The following ZBTB20 variants were observed in gnomAD, a reference collection of about 807,000 sequenced individuals.
The protein encoded by ZBTB20 is zinc finger and BTB domain-containing protein 20.
Under a neutral mutation model 56.9 loss-of-function variants are expected in ZBTB20, and 9 were observed. The observed-to-expected ratio is 0.16, with a 90% CI of 0.10 to 0.28. The LOEUF is 0.28. Ranked by LOEUF, ZBTB20 falls within the 10% of genes least tolerant of loss-of-function variation. ZBTB20 has a pLI of 1.00. For synonymous variants in ZBTB20, 417 were observed against 420.7 expected (o/e 0.99, Z 0.11); for missense variants, 655 against 1,003.0 (o/e 0.65, Z 4.69).
chr3:114,378,108 A>G (rs2083874773), intron 10 of ZBTB20, among the ~76,000 whole-genome samples: 1 of 152,186 alleles, frequency 6.6e-6, no homozygotes, highest in South Asian at 2.1e-4. Flanking sequence ...AAAAAAAAAA[A>G]AATCCTCTTG....
At chr3:114,756,092 T>A (rs2067991036) in intron 5 of ZBTB20, among the ~76,000 whole-genome samples, 1 of 152,192 alleles carries the variant, frequency 6.6e-6, no homozygotes, top group African/African-American at 2.4e-5. Flanking sequence ...AATCATGTAT[T>A]TATGTTTATT....
chr3:114,610,914 T>C (rs966021276), intron 6 of ZBTB20, among the ~76,000 whole-genome samples: 1 of 152,178 alleles, frequency 6.6e-6, no homozygotes, highest in Non-Finnish European at 1.5e-5. Flanking sequence ...AACCAAGAAG[T>C]TGAATATATA....
At chr3:114,349,930 G>A (rs2080509142) in intron 11 of ZBTB20, among the ~76,000 whole-genome samples, 2 of 152,164 alleles carry the variant, frequency 1.3e-5, no homozygotes, top group South Asian at 4.1e-4. Flanking sequence ...CATCTGGCTG[G>A]GTGTAAGAGC....
chr3:114,954,244 T>C (rs1213128395), intron 3 of ZBTB20, among the ~76,000 whole-genome samples: 1 of 152,166 alleles, frequency 6.6e-6, no homozygotes, highest in Non-Finnish European at 1.5e-5. Flanking sequence ...GAATCTTATA[T>C]AAAAGGTACG....
At chr3:114,499,695 A>C (rs2043714174) in intron 7 of ZBTB20, among the ~76,000 whole-genome samples, 2 of 152,220 alleles carry the variant, frequency 1.3e-5, no homozygotes, top group Admixed American at 1.3e-4. Context: ...TGAATTTTAA[A>C]TAATGAACGT....
At chr3:114,368,499 T>C (rs1459784019) in intron 10 of ZBTB20, among the ~76,000 whole-genome samples, 1 of 152,182 alleles carries the variant, frequency 6.6e-6, no homozygotes, top group African/African-American at 2.4e-5. Flanking sequence ...GCTTCTAAGT[T>C]CACTCTTGGG....
intron 6 of ZBTB20, among the ~76,000 whole-genome samples, chr3:114,559,825 G>C (rs2051775253): frequency 6.6e-6 from 1 of 152,156 alleles, no homozygotes; most frequent in Non-Finnish European, 1.5e-5. Context: ...ACGGGAAAAA[G>C]ATGTCTAGTT....
intron 2 of ZBTB20, among the ~76,000 whole-genome samples, chr3:115,036,377 G>A (rs1394700485): frequency 6.6e-6 from 1 of 151,030 alleles, no homozygotes. Context: ...TCGGCTCACT[G>A]TAACCTCCGC....
At chr3:114,588,918 C>G (rs1391102073) in intron 6 of ZBTB20, among the ~76,000 whole-genome samples, 3 of 152,100 alleles carry the variant, frequency 2.0e-5, no homozygotes, top group Non-Finnish European at 4.4e-5. Flanking sequence ...CCTCAGGAAA[C>G]TTACAATCAT....
intron 2 of ZBTB20, among the ~76,000 whole-genome samples, chr3:115,051,753 C>A (rs1011240515): frequency 6.6e-6 from 1 of 152,160 alleles, no homozygotes; most frequent in Non-Finnish European, 1.5e-5. Context: ...CAGTTTCACA[C>A]TGCTCTAAAG....
intron 6 of ZBTB20, among the ~76,000 whole-genome samples, chr3:114,647,022 G>C (rs574729171): frequency 6.6e-6 from 1 of 151,728 alleles, no homozygotes; most frequent in Non-Finnish European, 1.5e-5. Context: ...GCAGTGGCGC[G>C]ATCTTGGCTA....
chr3:114,515,781 T>C (rs1174703579), intron 6 of ZBTB20, among the ~76,000 whole-genome samples: 4 of 152,188 alleles, frequency 2.6e-5, no homozygotes, highest in Non-Finnish European at 5.9e-5. Context: ...CAGTTACTTT[T>C]CCTTTCTTTT....
chr3:114,807,372 A>G (rs1347601427), intron 4 of ZBTB20, among the ~76,000 whole-genome samples: 2 of 151,818 alleles, frequency 1.3e-5, no homozygotes, highest in Non-Finnish European at 2.9e-5. Context: ...TCCAATCTGT[A>G]TGCCACTGAT....
chr3:114,906,576 T>C (rs2075326074), intron 3 of ZBTB20, among the ~76,000 whole-genome samples: 1 of 150,908 alleles, frequency 6.6e-6, no homozygotes, highest in Non-Finnish European at 1.5e-5. Flanking sequence ...ATAAAATTTT[T>C]ATATTATATA....
chr3:115,018,482 G>A (rs2080070787), intron 2 of ZBTB20, among the ~76,000 whole-genome samples: 1 of 151,334 alleles, frequency 6.6e-6, no homozygotes, highest in African/African-American at 2.4e-5. Flanking sequence ...CATGAGCAGA[G>A]ACACATAAAG....
intron 5 of ZBTB20, chr3:114,758,943 T>A (rs1016217434): frequency 1.3e-5 from 2 of 152,124 alleles, no homozygotes; most frequent in Non-Finnish European, 2.9e-5. Context: ...TGAAATGTAC[T>A]CTGTACCGAT....
At chr3:114,356,968 C>G (rs1205439510) in intron 10 of ZBTB20, among the ~76,000 whole-genome samples, 1 of 152,146 alleles carries the variant, frequency 6.6e-6, no homozygotes, top group East Asian at 1.9e-4. Flanking sequence ...AAGTGGAAGG[C>G]AGCAAGCAGA....
At chr3:114,765,840 T>C (rs917892331) in intron 5 of ZBTB20, among the ~76,000 whole-genome samples, 6 of 152,176 alleles carry the variant, frequency 3.9e-5, no homozygotes, top group African/African-American at 1.2e-4. Context: ...ACATGGAACA[T>C]ATGGTTTTCA....
chr3:114,350,709 G>A lies in ZBTB20; in HGVS notation c.1369C>T (p.Leu457=). ...TVSNSSDKSV[L]QQPSVNTSIG... ...GACGTGTTGACCGAAGGCTGTTGTA[G>A]GACGCTCTTGTCGGAGCTGTTGCTG... The change falls in exon 11 of 12, where the codon CTA becomes TTA. Residue 457 remains leucine (L), a synonymous_variant. Coordinates refer to ENST00000675478, the MANE Select transcript of ZBTB20 (RefSeq NM_001348800.3). 4.3e-6 allele frequency: 7 copies of A among 1,614,222 alleles called. No homozygotes were observed. Among genetic ancestry groups the A allele is most frequent in the Non-Finnish European group, 5.9e-6 (7 of 1,180,036 alleles).
Sources: allele counts gnomAD v4.1 joint callset (sites outside exome capture counted in the v4.1 genomes callset), GRCh38; gene constraint gnomAD v4.1.1; transcripts MANE v1.5; gene names NCBI Gene and HGNC (gene_info 2026-07-23, HGNC 2026-07-21).